SHC3: variants seen among roughly 807,000 people sequenced by gnomAD.
SHC3 encodes SHC-transforming protein 3.
SHC3 carries 15 observed loss-of-function variants against 60.4 expected under a neutral mutation model. That is an observed-to-expected ratio of 0.25 (90% CI 0.17 to 0.38). The LOEUF (loss-of-function observed/expected upper bound fraction) is 0.38, where lower values mean the gene tolerates loss of function less well. Among genes scored for constraint, SHC3 ranks in the 10% least tolerant of loss-of-function variants. The pLI, the probability that SHC3 is intolerant of heterozygous loss-of-function variation, is 1.00. For synonymous variants in SHC3, 294 were observed against 325.9 expected, an observed-to-expected ratio of 0.90 and a Z score of 1.05; for missense variants, 677 against 786.1, an observed-to-expected ratio of 0.86 and a Z score of 1.66.
intron 2 of SHC3, among the ~76,000 whole-genome samples, chr9:89,099,151 GATT>G (rs150488206): frequency 0.085 from 12,941 of 152,200 alleles, 642 homozygotes; most frequent in Admixed American, 0.13. Context: ...TTGTAAAATA[GATT>G]ATATTTTATG....
intron 11 of SHC3, among the ~76,000 whole-genome samples, chr9:89,028,683 GAT>G (rs1302752599): frequency 2.1e-5 from 3 of 143,330 alleles, no homozygotes; most frequent in Non-Finnish European, 4.5e-5. Context: ...TATATAAAGA[GAT>G]AATCTATATC....
intron 2 of SHC3, among the ~76,000 whole-genome samples, chr9:89,092,892 A>C (rs1465504672): frequency 6.6e-6 from 1 of 152,168 alleles, no homozygotes; most frequent in African/African-American, 2.4e-5. Context: ...TAAAAAAATA[A>C]ATCAGTTCAT....
chr9:89,096,820 A>G (rs1459081976), intron 2 of SHC3, among the ~76,000 whole-genome samples: 5 of 152,214 alleles, frequency 3.3e-5, no homozygotes, highest in African/African-American at 1.2e-4. Context: ...AATGCACAGG[A>G]CAGCTGGTCC....
chr9:89,144,811 AT>A (rs1826444395), intron 1 of SHC3, among the ~76,000 whole-genome samples: 1 of 151,726 alleles, frequency 6.6e-6, no homozygotes, highest in Non-Finnish European at 1.5e-5. Context: ...TTTGGTCTCA[AT>A]GCAGTGTATC....
intron 1 of SHC3, among the ~76,000 whole-genome samples, chr9:89,140,879 T>A (rs1312104065): frequency 2.0e-5 from 3 of 152,068 alleles, no homozygotes; most frequent in Admixed American, 2.0e-4. Flanking sequence ...GGAGAAAAAC[T>A]TTTTTCAGAA....
intron 5 of SHC3, among the ~76,000 whole-genome samples, chr9:89,069,791 T>C (rs1318561084): frequency 6.6e-6 from 1 of 152,236 alleles, no homozygotes; most frequent in Non-Finnish European, 1.5e-5. Flanking sequence ...GAAGTACCAC[T>C]TCCCTGTTGC....
chr9:89,018,075 C>G (rs889438851), intron 11 of SHC3, among the ~76,000 whole-genome samples: 21 of 152,284 alleles, frequency 1.4e-4, no homozygotes, highest in African/African-American at 4.6e-4. Flanking sequence ...TTGTGGAAGA[C>G]AGTGTGGTGA....
At position 89,071,231 on chromosome 9, in the gene SHC3, G is replaced by A. The variant is rs772738710; in HGVS notation, c.751C>T (p.Arg251Trp). The A allele has an allele frequency of 6.2e-6, 10 of 1,613,994 alleles. No homozygotes were observed. Among genetic ancestry groups the A allele is most frequent in the East Asian group, 2.2e-5 (1 of 44,896 alleles). Reference sequence around the variant, plus strand: ...CCCCCAGAGGCGAAGGAGATGGACCGCATGTGGTGATTCGCTATGATCTGC... The same window carrying A: ...CCCCCAGAGGCGAAGGAGATGGACCACATGTGGTGATTCGCTATGATCTGC... ...SKQIIANHHMRSISFASGGDP... is the reference protein window; with the variant it reads ...SKQIIANHHMWSISFASGGDP... Residue 251 changes from arginine (R) to tryptophan (W), a missense_variant, in exon 5 of 12, where the codon CGG (arginine) becomes TGG (tryptophan). Transcript: ENST00000375835.
At chr9:89,140,038 A>T (rs1826370487) in intron 1 of SHC3, among the ~76,000 whole-genome samples, 1 of 152,206 alleles carries the variant, frequency 6.6e-6, no homozygotes, top group African/African-American at 2.4e-5. Flanking sequence ...TAATTTTTAA[A>T]ACTGTCATTT....
At chr9:89,079,387 A>G (rs1164554742) in intron 2 of SHC3, among the ~76,000 whole-genome samples, 4 of 152,234 alleles carry the variant, frequency 2.6e-5, no homozygotes, top group Non-Finnish European at 5.9e-5. Context: ...TCTTATATTA[A>G]GTGACATACT....
In SHC3 at chr9:89,042,173, T is replaced by A; in HGVS notation, c.1213A>T (p.Ile405Phe). ...QTPLRQGSSD[I>F]YSTPEGKLHV... ...AGTTTCCCTTCTGGCGTGCTGTAGA[T>A]GTCCGAGGACCCTGCAACAAGAAAG... The change falls in exon 10 of 12, where the codon ATC becomes TTC. Residue 405 changes from isoleucine (I) to phenylalanine (F), a missense_variant. By Grantham distance (21) the Ile-to-Phe change is conservative (BLOSUM62 0). Transcript: ENST00000375835. 2 of 1,528,538 alleles carry A rather than the reference T, an allele frequency of 1.3e-6. No individual in the cohort carries two copies. Among genetic ancestry groups the A allele is most frequent in the Non-Finnish European group, 1.7e-6 (2 of 1,145,964 alleles). The allele number at this position is 1,528,538 out of a possible 1,614,324, so 94.7% of individuals were successfully genotyped here.
chr9:89,065,309 C>A (rs73654721), intron 6 of SHC3, among the ~76,000 whole-genome samples: 3,815 of 152,248 alleles, frequency 0.025, 173 homozygotes, highest in African/African-American at 0.086. Flanking sequence ...ACCAAACCAG[C>A]TATCTGGATA....
chr9:89,062,949 T>C (rs1825114984), intron 6 of SHC3, among the ~76,000 whole-genome samples: 1 of 152,226 alleles, frequency 6.6e-6, no homozygotes, highest in Non-Finnish European at 1.5e-5. Context: ...AACATGCTCA[T>C]AGCTGGGCTG....
intron 1 of SHC3, among the ~76,000 whole-genome samples, chr9:89,113,795 A>G (rs1425925979): frequency 6.6e-6 from 1 of 152,240 alleles, no homozygotes; most frequent in Non-Finnish European, 1.5e-5. Context: ...CAGCATTAAG[A>G]GAATACCACT....
intron 1 of SHC3, among the ~76,000 whole-genome samples, chr9:89,173,345 G>A (rs987710212): frequency 2.6e-5 from 4 of 152,248 alleles, no homozygotes; most frequent in African/African-American, 4.8e-5. Context: ...GTGGGTTCAC[G>A]TGTTTGCTGC....
chr9:89,075,326 C>T, intron 3 of SHC3, 98 bp from the exon 4 acceptor site: 1 of 1,486,342 alleles, frequency 6.7e-7, no homozygotes. Flanking sequence ...ACTAACTGTT[C>T]CTCCCTCCTT....
intron 1 of SHC3, among the ~76,000 whole-genome samples, chr9:89,168,483 T>C (rs1826822827): frequency 6.6e-6 from 1 of 152,076 alleles, no homozygotes; most frequent in Non-Finnish European, 1.5e-5. Flanking sequence ...AAAGTTTCTC[T>C]ATTTGATGCC....
intron 6 of SHC3, among the ~76,000 whole-genome samples, chr9:89,053,484 T>C (rs925459669): frequency 1.3e-5 from 2 of 152,162 alleles, no homozygotes; most frequent in African/African-American, 4.8e-5. Context: ...CACTGGGACT[T>C]TACCCCGGAG....
chr9:89,160,259 C>G (rs914124976), intron 1 of SHC3, among the ~76,000 whole-genome samples: 1 of 152,226 alleles, frequency 6.6e-6, no homozygotes, highest in Non-Finnish European at 1.5e-5. Flanking sequence ...GCTTCTCACT[C>G]TGATTCTCCT....
Sources: gnomAD v4.1 joint callset for allele counts (sites outside exome capture counted in the v4.1 genomes callset) on GRCh38, gnomAD v4.1.1 for gene constraint, MANE v1.5 for transcripts, NCBI Gene and HGNC (gene_info 2026-07-23, HGNC 2026-07-21) for gene names.